NPAS3: variants seen among roughly 807,000 people sequenced by gnomAD.
The protein encoded by NPAS3 is neuronal PAS domain-containing protein 3.
Under a neutral mutation model 73.1 loss-of-function variants are expected in NPAS3, and 14 were observed. The observed-to-expected ratio is 0.19, with a 90% CI of 0.13 to 0.30. The LOEUF (loss-of-function observed/expected upper bound fraction) is 0.30. NPAS3 is among the 10% of genes least tolerant of loss of function. The pLI is 1.00. For missense variants in NPAS3, 1,096 were observed against 1,250.0 expected, an observed-to-expected ratio of 0.88 and a Z score of 1.86; for synonymous variants, 620 against 541.5, an observed-to-expected ratio of 1.14 and a Z score of -2.01.
At chr14:32,971,595 A>G (rs1459487847) in intron 1 of NPAS3, among the ~76,000 whole-genome samples, 1 of 152,234 alleles carries the variant, frequency 6.6e-6, no homozygotes, top group Non-Finnish European at 1.5e-5. Context: ...TAATACTGAT[A>G]GCTTTCAGCA....
Position 33,235,805 on chromosome 14 carries a change from C to CTTTTTTTTT in NPAS3, c.385+20395_385+20403dup, listed in dbSNP as rs35968798. ...GACTAAAAGTTCTGTTGATACAATT[C>CTTTTTTTTT]TTTTTTTTTTTTTTTTTTTTTTTTG... On this transcript the variant is annotated intron_variant, in intron 3 of 11. Coordinates refer to ENST00000356141, the Ensembl canonical transcript of NPAS3. Among the ~76,000 whole-genome samples the CTTTTTTTTT allele has an allele frequency of 4.0e-4, 32 of 80,632 alleles. 2 individuals carry two copies. The highest frequency in any genetic ancestry group is 4.3e-4 in the Non-Finnish European group (20 of 46,272). The allele number at this position is 80,632 out of a possible 152,430, so 52.9% of individuals were successfully genotyped here. A position where few individuals can be genotyped will look rare whatever the true frequency, so the allele number is the denominator to read the frequency against.
chr14:33,787,591 T>C (rs1229601968), intron 9 of NPAS3, among the ~76,000 whole-genome samples: 2 of 72,240 alleles, frequency 2.8e-5, no homozygotes, highest in African/African-American at 6.2e-5. Flanking sequence ...GCTCAGCATA[T>C]AGATTTACAA....
chr14:32,941,738 T>C (rs1047123538), intron 1 of NPAS3, among the ~76,000 whole-genome samples: 1 of 152,100 alleles, frequency 6.6e-6, no homozygotes, highest in Non-Finnish European at 1.5e-5. Flanking sequence ...TTAACCTGTA[T>C]GGAGAAGGAG....
chr14:33,762,755 A>G (rs2062334892), intron 7 of NPAS3, among the ~76,000 whole-genome samples: 1 of 152,228 alleles, frequency 6.6e-6, no homozygotes. Context: ...GTAAATGACT[A>G]TCTCTAATCA....
intron 6 of NPAS3, among the ~76,000 whole-genome samples, chr14:33,716,715 C>G (rs550652555): frequency 8.0e-4 from 121 of 152,166 alleles, no homozygotes; most frequent in Middle Eastern, 3.4e-3. Context: ...TAAGCGAATT[C>G]TCATCCTTTT....
chr14:33,426,226 A>G (rs904900637), intron 4 of NPAS3, among the ~76,000 whole-genome samples: 3 of 152,108 alleles, frequency 2.0e-5, no homozygotes, highest in African/African-American at 7.2e-5. Context: ...CATGTTAAGA[A>G]GAAAGCATGA....
intron 4 of NPAS3, among the ~76,000 whole-genome samples, chr14:33,434,255 G>T (rs1426244887): frequency 6.6e-6 from 1 of 152,066 alleles, no homozygotes; most frequent in Non-Finnish European, 1.5e-5. Context: ...GGCCAGGTGT[G>T]GTGGCTCACA....
rs573121106 is a variant in NPAS3, at chr14:33,410,530, A to G, written c.468+43262A>G. The stretch of plus-strand genomic sequence containing the variant: ...CAATCAATTCCCTGGCTTATAAAAC[A>G]GAAAATTCATTACTTCTCATTGCAT... On this transcript the variant is annotated intron_variant, in intron 4 of 11. Transcript: ENST00000356141. 2.3e-4 allele frequency among the ~76,000 whole-genome samples: 35 copies of G among 152,348 alleles called. 1 individual carries two copies. In the South Asian group the frequency reaches 7.3e-3, roughly 32 times the overall value.
At chr14:33,040,403 G>C (rs1444821077) in intron 1 of NPAS3, among the ~76,000 whole-genome samples, 3 of 152,102 alleles carry the variant, frequency 2.0e-5, no homozygotes, top group Non-Finnish European at 2.9e-5. Flanking sequence ...AAAACATCTT[G>C]ATATGAAATG....
chr14:33,797,384 G>A (rs2063542058), intron 10 of NPAS3, 73 bp from the exon 11 acceptor site: 4 of 1,516,184 alleles, frequency 2.6e-6, no homozygotes, highest in African/African-American at 1.4e-5. Flanking sequence ...ACAAAGAAGT[G>A]GGGGAGAAGA....
rs1054568097 is a variant in NPAS3 at position 33,552,495 on chromosome 14, G to A, written c.469-7626G>A. Among the ~76,000 whole-genome samples the A allele has an allele frequency of 4.6e-5, 7 of 152,178 alleles. No homozygotes were observed. In the South Asian group the frequency reaches 6.2e-4, roughly 14 times the overall value. On this transcript the variant is annotated intron_variant, in intron 4 of 11. Transcript: ENST00000356141. ...CCCTGGTGAATACTGAGTGAACTGA[G>A]CATTGTTTATGATGTCCGATAACAA...
At chr14:33,138,874 A>G (rs941332616) in intron 2 of NPAS3, among the ~76,000 whole-genome samples, 2 of 152,230 alleles carry the variant, frequency 1.3e-5, no homozygotes, top group Non-Finnish European at 2.9e-5. Context: ...TTTTCTTAGA[A>G]TATATTCTGT....
At chr14:33,425,740 C>T (rs773456289) in intron 4 of NPAS3, among the ~76,000 whole-genome samples, 5 of 152,090 alleles carry the variant, frequency 3.3e-5, no homozygotes, top group African/African-American at 4.8e-5. Context: ...GTTTTTGTAT[C>T]GTCTTGTACA....
In NPAS3 at chr14:33,154,180, G is replaced by A. The variant is rs571239129; in HGVS notation, c.141-61002G>A. 2.6e-5 allele frequency among the ~76,000 whole-genome samples: 4 copies of A among 152,268 alleles called. No homozygotes were observed. The East Asian group carries it at 7.7e-4, about 29-fold the overall frequency. On this transcript the variant is annotated intron_variant, in intron 2 of 11. Transcript: ENST00000356141. ...GCTCCTGGAGCCTGGGCAGTTAGCT[G>A]CCAGAGCTGTTTCTAAAGCAAAATC...
chr14:33,108,471 C>A (rs1035949369), intron 2 of NPAS3, among the ~76,000 whole-genome samples: 1 of 152,088 alleles, frequency 6.6e-6, no homozygotes, highest in Admixed American at 6.6e-5. Context: ...GGATTACTGG[C>A]AAATAACAAA....
At chr14:33,258,866 T>C (rs1453438614) in intron 3 of NPAS3, among the ~76,000 whole-genome samples, 2 of 152,178 alleles carry the variant, frequency 1.3e-5, no homozygotes, top group African/African-American at 2.4e-5. Context: ...AAGGCTGGAG[T>C]GCAGTGGCGT....
intron 3 of NPAS3, among the ~76,000 whole-genome samples, chr14:33,338,266 C>T (rs1053627917): frequency 2.0e-5 from 3 of 152,006 alleles, no homozygotes; most frequent in Non-Finnish European, 4.4e-5. Context: ...TCTTTGCTTT[C>T]TTCCTAAGAA....
At chr14:33,626,790 C>T (rs2058233081) in intron 5 of NPAS3, among the ~76,000 whole-genome samples, 1 of 152,020 alleles carries the variant, frequency 6.6e-6, no homozygotes, top group Non-Finnish European at 1.5e-5. Context: ...CCAAATACAT[C>T]AGTTTTGTAG....
At chr14:33,602,361 A>C (rs2057424894) in intron 5 of NPAS3, among the ~76,000 whole-genome samples, 1 of 152,230 alleles carries the variant, frequency 6.6e-6, no homozygotes, top group Non-Finnish European at 1.5e-5. Context: ...GGGTATACAA[A>C]AGGGTCTTGT....
Sources: gnomAD v4.1 joint callset for allele counts (sites outside exome capture counted in the v4.1 genomes callset) on GRCh38, gnomAD v4.1.1 for gene constraint, MANE v1.5 for transcripts, NCBI Gene and HGNC (gene_info 2026-07-23, HGNC 2026-07-21) for gene names.